Variants in AKAP19 observed in about 807,000 individuals in gnomAD.
AKAP19 encodes the protein small A-kinase anchoring protein.
At chr2:189,962,924 A>G in the AKAP19 span, among the ~76,000 whole-genome samples, 1 of 152,018 alleles carries the variant, frequency 6.6e-6, no homozygotes, top group Non-Finnish European at 1.5e-5. Context: ...ATTTTACATT[A>G]TTTTGGATGC....
the AKAP19 span, among the ~76,000 whole-genome samples, chr2:190,027,251 C>T: frequency 2.0e-5 from 3 of 152,172 alleles, no homozygotes; most frequent in Non-Finnish European, 4.4e-5. Flanking sequence ...CATGCATGCA[C>T]AATGCTCTAC....
At chr2:190,093,172 C>T in the AKAP19 span, among the ~76,000 whole-genome samples, 1 of 152,008 alleles carries the variant, frequency 6.6e-6, no homozygotes, top group African/African-American at 2.4e-5. Context: ...CCTATAATCC[C>T]AGCACTTTGA....
chr2:189,945,171 C>T, the AKAP19 span, among the ~76,000 whole-genome samples: 1 of 152,092 alleles, frequency 6.6e-6, no homozygotes, highest in African/African-American at 2.4e-5. Flanking sequence ...ACCAACAATG[C>T]ACCTCATGGA....
At chr2:190,016,648 A>G in the AKAP19 span, among the ~76,000 whole-genome samples, 1 of 152,344 alleles carries the variant, frequency 6.6e-6, no homozygotes, top group Admixed American at 6.5e-5. Flanking sequence ...TGTGATCAGA[A>G]AAGATGATAG....
At chr2:190,007,215 T>C in the AKAP19 span, among the ~76,000 whole-genome samples, 3 of 152,226 alleles carry the variant, frequency 2.0e-5, no homozygotes, top group Admixed American at 2.0e-4. Flanking sequence ...GAAAACTTTC[T>C]ATGGGGTACA....
the AKAP19 span, among the ~76,000 whole-genome samples, chr2:189,969,808 G>A: frequency 6.8e-6 from 1 of 147,820 alleles, no homozygotes; most frequent in Non-Finnish European, 1.5e-5. Context: ...AGAATTATAG[G>A]TCCTTCCTTC....
the AKAP19 span, among the ~76,000 whole-genome samples, chr2:189,985,977 T>A: frequency 6.6e-6 from 1 of 151,958 alleles, no homozygotes; most frequent in Admixed American, 6.6e-5. Flanking sequence ...AGCAAAAAAA[T>A]ATATGTACAA....
the AKAP19 span, among the ~76,000 whole-genome samples, chr2:190,098,554 A>G: frequency 2.6e-5 from 4 of 152,182 alleles, no homozygotes; most frequent in African/African-American, 9.7e-5. Context: ...AGCAGAGTAG[A>G]TCTAGCATAA....
At chr2:189,883,815 C>A in the AKAP19 span, among the ~76,000 whole-genome samples, 1 of 152,164 alleles carries the variant, frequency 6.6e-6, no homozygotes, top group Admixed American at 6.5e-5. Flanking sequence ...ATTCCTTGCC[C>A]TCTAGAGGAA....
chr2:190,164,981 A>G, the AKAP19 span, among the ~76,000 whole-genome samples: 1 of 152,218 alleles, frequency 6.6e-6, no homozygotes, highest in Non-Finnish European at 1.5e-5. Flanking sequence ...CATCATAGGT[A>G]TGTATTAGCT....
At chr2:190,168,786 C>T in the AKAP19 span, among the ~76,000 whole-genome samples, 1 of 152,220 alleles carries the variant, frequency 6.6e-6, no homozygotes, top group Non-Finnish European at 1.5e-5. Context: ...TTCCTCATCT[C>T]CATCTGAGAC....
At chr2:190,180,400 C>A in the AKAP19 span, 2 of 912,392 alleles carry the variant, frequency 2.2e-6, no homozygotes, top group Non-Finnish European at 2.6e-6. The surrounding 1 kb of genome is among the most constrained non-coding windows in gnomAD (Gnocchi z 6.8). Flanking sequence ...CCCCCTCTCA[C>A]CAGGGCGGAG....
chr2:190,193,707 G>T, the AKAP19 span, among the ~76,000 whole-genome samples: 1 of 152,022 alleles, frequency 6.6e-6, no homozygotes, highest in Non-Finnish European at 1.5e-5. Context: ...CTTAATATGT[G>T]ACTTTTCTTG....
chr2:190,095,889 G>A, the AKAP19 span, among the ~76,000 whole-genome samples: 1 of 152,174 alleles, frequency 6.6e-6, no homozygotes, highest in African/African-American at 2.4e-5. Context: ...ACAGGTAGGT[G>A]AGAAGGAAAG....
chr2:189,944,609 A>G, the AKAP19 span, among the ~76,000 whole-genome samples: 1 of 152,228 alleles, frequency 6.6e-6, no homozygotes, highest in Admixed American at 6.5e-5. Context: ...GGAAACATTA[A>G]TAGATCTAAA....
At chr2:190,060,541 A>G in the AKAP19 span, 3 of 954,772 alleles carry the variant, frequency 3.1e-6, no homozygotes, top group South Asian at 3.3e-5. Flanking sequence ...ATGTATGCCT[A>G]TGCAGTCTTT....
the AKAP19 span, among the ~76,000 whole-genome samples, chr2:190,114,116 G>A: frequency 9.2e-5 from 14 of 152,022 alleles, no homozygotes; most frequent in East Asian, 3.9e-4. Context: ...AGTCTTTTCC[G>A]CAAACAAATC....
the AKAP19 span, among the ~76,000 whole-genome samples, chr2:189,920,673 G>A: frequency 1.3e-5 from 2 of 152,164 alleles, no homozygotes; most frequent in Non-Finnish European, 2.9e-5. Flanking sequence ...ACTTTCTTCT[G>A]TGTCTTGTGT....
At chr2:190,037,605 AAG>A in the AKAP19 span, among the ~76,000 whole-genome samples, 2 of 152,224 alleles carry the variant, frequency 1.3e-5, no homozygotes, top group Non-Finnish European at 2.9e-5. Flanking sequence ...AACAGTTTAA[AAG>A]GACTAAGAAA....
Sources: gnomAD v4.1 joint callset for allele counts (sites outside exome capture counted in the v4.1 genomes callset) on GRCh38, gnomAD v4.1.1 for gene constraint, Gnocchi (gnomAD v3.1) non-coding constraint, MANE v1.5 for transcripts, NCBI Gene and HGNC (gene_info 2026-07-23, HGNC 2026-07-21) for gene names.